ZNF585B: variants seen among roughly 807,000 people sequenced by gnomAD.
The protein encoded by ZNF585B is zinc finger protein 585B.
A neutral mutation model predicts 14.0 loss-of-function variants in ZNF585B; 7 were observed. The ratio of observed to expected loss-of-function variants is 0.50; its 90% CI spans 0.28 to 0.94. The LOEUF (loss-of-function observed/expected upper bound fraction) is 0.94, where lower values mean the gene tolerates loss of function less well. Ranked by LOEUF, ZNF585B falls within the 40% of genes least tolerant of loss-of-function variation. The pLI is 0.09. For missense variants in ZNF585B, 750 were observed against 924.4 expected, an observed-to-expected ratio of 0.81 and a Z score of 2.45; for synonymous variants, 290 against 317.3, an observed-to-expected ratio of 0.91 and a Z score of 0.91.
intron 4 of ZNF585B, among the ~76,000 whole-genome samples, chr19:37,188,417 C>T (rs748629371): frequency 4.6e-5 from 7 of 151,918 alleles, no homozygotes; most frequent in Non-Finnish European, 7.4e-5. Context: ...ACCCGGGAGG[C>T]GGAGGTTGCA....
chr19:37,206,720 T>C (rs1268517007), intron 2 of ZNF585B, among the ~76,000 whole-genome samples: 2 of 152,186 alleles, frequency 1.3e-5, no homozygotes, highest in African/African-American at 4.8e-5. Flanking sequence ...GAAAAAATGC[T>C]TTCAAAATCT....
At chr19:37,197,213 G>T (rs558039884) in intron 2 of ZNF585B, among the ~76,000 whole-genome samples, 1 of 147,936 alleles carries the variant, frequency 6.8e-6, no homozygotes, top group Admixed American at 6.9e-5. Flanking sequence ...TCCCACCTAC[G>T]AGTGAGAACA....
rs66685835 is a variant in ZNF585B at position 37,184,426 on chromosome 19, GAAA to G, written c.*798_*800del. 15 of 40,230 alleles carry G rather than the reference GAAA, an allele frequency of 3.7e-4. 1 individual carries two copies. Among genetic ancestry groups the G allele is most frequent in the African/African-American group, 1.4e-3 (11 of 8,108 alleles). The allele number at this position is 40,230 out of a possible 1,614,324, so 2.5% of individuals were successfully genotyped here. ...AAAGAAAGAAAGAAAGAGAAAGAAA[GAAA>G]AAGAAAGAAAGAAGGAAAGAAAGAA... is the stretch of plus-strand genomic sequence containing the variant. On this transcript the variant is annotated 3_prime_UTR_variant, in exon 5 of 5. Transcript: ENST00000532828.
intron 2 of ZNF585B, among the ~76,000 whole-genome samples, chr19:37,203,676 T>C (rs1227841763): frequency 1.3e-5 from 2 of 152,248 alleles, no homozygotes; most frequent in Non-Finnish European, 2.9e-5. Context: ...TTGTCCAGGC[T>C]AGAACGCAAT....
chr19:37,186,779 T>G lies in ZNF585B; in HGVS notation c.758A>C (p.Gln253Pro), dbSNP rs1458536748. Residue 253 changes from glutamine to proline, a missense_variant, in exon 5 of 5, where the codon CAA becomes CCA. Gln to Pro is a moderately conservative substitution (Grantham distance 76). Coordinates refer to ENST00000532828, the MANE Select transcript of ZNF585B (RefSeq NM_152279.4). ...CTGATGAATCTTGAGTGTGGACTTTTGTGTGAACGCTTTGCCACAGTCAGT... is the reference window on the plus strand; with the variant it reads ...CTGATGAATCTTGAGTGTGGACTTTGGTGTGAACGCTTTGCCACAGTCAGT... ...ECTDCGKAFT[Q>P]KSTLKIHQKI... 1 of 1,614,084 alleles carries G rather than the reference T, an allele frequency of 6.2e-7. No individual in the cohort carries two copies. Among genetic ancestry groups the G allele is most frequent in the Non-Finnish European group, 8.5e-7 (1 of 1,180,042 alleles).
chr19:37,184,999 C>G lies in ZNF585B; in HGVS notation c.*228G>C. On this transcript the variant is annotated 3_prime_UTR_variant, in exon 5 of 5. Transcript: ENST00000532828. Reference sequence around the variant, plus strand: ...TCCTATTCACCAAATTGACTCGGTTCCTTGTCAGTATGAATAATGACCCAA... The same window carrying G: ...TCCTATTCACCAAATTGACTCGGTTGCTTGTCAGTATGAATAATGACCCAA... 1 of 474,858 alleles carries G rather than the reference C, an allele frequency of 2.1e-6. No individual in the cohort carries two copies. The highest frequency in any genetic ancestry group is 1.9e-5 in the African/African-American group (1 of 51,410). The allele number at this position is 474,858 out of a possible 1,614,324, so 29.4% of individuals were successfully genotyped here. A position where few individuals can be genotyped will look rare whatever the true frequency, so the allele number is the denominator to read the frequency against.
At chr19:37,207,356 T>C in intron 1 of ZNF585B, 102 bp from the exon 2 acceptor site, 1 of 872,946 alleles carries the variant, frequency 1.1e-6, no homozygotes, top group Non-Finnish European at 1.6e-6. Flanking sequence ...GAGCAGTGGT[T>C]CCCAAACGTA....
intron 4 of ZNF585B, 120 bp downstream of exon 4, chr19:37,189,541 C>G: frequency 9.1e-7 from 1 of 1,095,008 alleles, no homozygotes; most frequent in South Asian, 1.5e-5. Flanking sequence ...ATAAAAAATT[C>G]AGAGCCTTAC....
intron 2 of ZNF585B, among the ~76,000 whole-genome samples, chr19:37,195,345 CAAAAAA>C (rs71177429): frequency 2.8e-4 from 4 of 14,280 alleles, no homozygotes; most frequent in African/African-American, 9.0e-4. Flanking sequence ...GACTCTGACT[CAAAAAA>C]AAAAAAAAAA....
chr19:37,188,980 C>T (rs1972370374), intron 4 of ZNF585B, among the ~76,000 whole-genome samples: 1 of 151,638 alleles, frequency 6.6e-6, no homozygotes, highest in African/African-American at 2.4e-5. Flanking sequence ...CTCTGTCACC[C>T]AGGCTGGAGT....
intron 2 of ZNF585B, among the ~76,000 whole-genome samples, chr19:37,191,799 C>A (rs117071886): frequency 6.6e-6 from 1 of 152,054 alleles, no homozygotes; most frequent in South Asian, 2.1e-4. Context: ...TTTGGGACGC[C>A]GAGGTAGGTG....
rs1972595842 is a variant in ZNF585B, at chr19:37,207,197, GT to G, written c.-87del. On this transcript the variant is annotated 5_prime_UTR_variant, in exon 2 of 5. An upstream open reading frame in the 5' UTR loses its in-frame stop. Coordinates refer to ENST00000532828, the MANE Select transcript of ZNF585B (RefSeq NM_152279.4). ...AACTCAGCAGAGCTGCTCCGAAGAG[GT>G]GGGCTGGAGTCTGGAGGAAGGTCTG... 6.3e-7 allele frequency: 1 copy of G among 1,584,752 alleles called. No individual in the cohort carries two copies. The highest frequency in any genetic ancestry group is 1.3e-5 in the African/African-American group (1 of 74,612).
In ZNF585B at chr19:37,183,775, G is replaced by C. The variant is rs1481926574; in HGVS notation, c.*1452C>G. On this transcript the variant is annotated 3_prime_UTR_variant, in exon 5 of 5. Transcript: ENST00000532828. ...GGACACAAGTAGACAGTGAACATAT[G>C]GTGGGGTTGGTTTTCATATGAGTTA... The C allele has an allele frequency of 6.6e-6, 1 of 152,132 alleles. No individual in the cohort carries two copies. The highest frequency in any genetic ancestry group is 2.4e-5 in the African/African-American group (1 of 41,390). The allele number at this position is 152,132 out of a possible 1,614,324, so 9.4% of individuals were successfully genotyped here. A position where few individuals can be genotyped will look rare whatever the true frequency, so the allele number is the denominator to read the frequency against.
In ZNF585B at chr19:37,184,541, G is replaced by T. The variant is rs1242641595; in HGVS notation, c.*686C>A. 1 of 156,170 alleles carries T rather than the reference G, an allele frequency of 6.4e-6. No homozygotes were observed. Among genetic ancestry groups the T allele is most frequent in the African/African-American group, 2.4e-5 (1 of 41,476 alleles). 9.7% of individuals were successfully genotyped at this position (156,170 alleles called of 1,614,324 possible). A position where few individuals can be genotyped will look rare whatever the true frequency, so the allele number is the denominator to read the frequency against. Reference sequence around the variant, plus strand: ...AAGAAAAAGAAAAAACACTGTGCTGGGTGTCAAACACAATGTGCTGAGAAC... The same window carrying T: ...AAGAAAAAGAAAAAACACTGTGCTGTGTGTCAAACACAATGTGCTGAGAAC... On this transcript the variant is annotated 3_prime_UTR_variant, in exon 5 of 5. Transcript: ENST00000532828.
chr19:37,195,501 G>A (rs1972456184), intron 2 of ZNF585B, among the ~76,000 whole-genome samples: 1 of 150,936 alleles, frequency 6.6e-6, no homozygotes, highest in African/African-American at 2.4e-5. Flanking sequence ...AAAATAAAAA[G>A]ACACAAATCA....
At chr19:37,192,059 G>A (rs1972407695) in intron 2 of ZNF585B, among the ~76,000 whole-genome samples, 1 of 151,944 alleles carries the variant, frequency 6.6e-6, no homozygotes, top group East Asian at 1.9e-4. Context: ...GAAATAGGCT[G>A]CCTTTTAGTC....
intron 2 of ZNF585B, among the ~76,000 whole-genome samples, chr19:37,197,015 T>G (rs1294357920): frequency 2.6e-5 from 4 of 152,184 alleles, no homozygotes; most frequent in Non-Finnish European, 5.9e-5. Flanking sequence ...AGTTCTAGGG[T>G]ACATGTGCAC....
chr19:37,188,723 G>A (rs1972367324), intron 4 of ZNF585B, among the ~76,000 whole-genome samples: 1 of 152,150 alleles, frequency 6.6e-6, no homozygotes, highest in South Asian at 2.1e-4. Flanking sequence ...TAACAGTGTG[G>A]AATCGCTCAA....
chr19:37,189,895 A>C, intron 3 of ZNF585B, 129 bp downstream of exon 3: 1 of 1,560,248 alleles, frequency 6.4e-7, no homozygotes, highest in Non-Finnish European at 8.7e-7. Flanking sequence ...TACCCTAAAC[A>C]AACAGAGAAC....
Sources: gnomAD v4.1 joint callset for allele counts (sites outside exome capture counted in the v4.1 genomes callset) on GRCh38, gnomAD v4.1.1 for gene constraint, MANE v1.5 for transcripts, NCBI Gene and HGNC (gene_info 2026-07-23, HGNC 2026-07-21) for gene names.